The following PFKFB3 variants were observed in gnomAD, a reference collection of about 807,000 sequenced individuals.
PFKFB3 encodes 6-phosphofructo-2-kinase/fructose-2,6-bisphosphatase 3.
A neutral mutation model predicts 68.0 loss-of-function variants in PFKFB3; 33 were observed. That is an observed-to-expected ratio of 0.49 (90% CI 0.37 to 0.65). The LOEUF is 0.65. Among genes scored for constraint, PFKFB3 ranks in the 30% least tolerant of loss-of-function variants. The pLI, the probability that PFKFB3 is intolerant of heterozygous loss-of-function variation, is 0.00. For synonymous variants in PFKFB3, 315 were observed against 288.2 expected (o/e 1.09, Z -0.94); for missense variants, 586 against 712.2 (o/e 0.82, Z 2.02).
the PFKFB3 span, among the ~76,000 whole-genome samples, chr10:6,323,933 G>A: frequency 6.6e-6 from 1 of 152,140 alleles, no homozygotes; most frequent in African/African-American, 2.4e-5. Context: ...TTGAGAGCAG[G>A]GACATGAACA....
downstream of PFKFB3, among the ~76,000 whole-genome samples, chr10:6,257,278 C>A (rs984659262): frequency 6.6e-6 from 1 of 152,128 alleles, no homozygotes; most frequent in African/African-American, 2.4e-5. Flanking sequence ...GGCTGTGTGA[C>A]AACAACCATT....
At chr10:6,290,042 G>T in the PFKFB3 span, among the ~76,000 whole-genome samples, 1 of 151,034 alleles carries the variant, frequency 6.6e-6, no homozygotes, top group Admixed American at 6.6e-5. Flanking sequence ...TGTGATTTTT[G>T]TACATTGATT....
At chr10:6,293,429 C>T in the PFKFB3 span, 1 of 211,742 alleles carries the variant, frequency 4.7e-6, no homozygotes, top group Non-Finnish European at 9.5e-6. Context: ...CACTTCATCC[C>T]CTGCCTCCTG....
At chr10:6,171,426 C>T (rs1330317232) in intron 1 of PFKFB3, among the ~76,000 whole-genome samples, 3 of 148,180 alleles carry the variant, frequency 2.0e-5, no homozygotes, top group Non-Finnish European at 4.5e-5. Flanking sequence ...GAGACTGTCT[C>T]GTTCTGTTGC....
chr10:6,207,430 A>T (rs1441653203), intron 1 of PFKFB3, among the ~76,000 whole-genome samples: 1 of 148,942 alleles, frequency 6.7e-6, no homozygotes, highest in Non-Finnish European at 1.5e-5. Flanking sequence ...GACCGTGGGG[A>T]GAGGGAGAGG....
At chr10:6,230,161 C>T (rs1233475870) in intron 14 of PFKFB3, among the ~76,000 whole-genome samples, 1 of 152,216 alleles carries the variant, frequency 6.6e-6, no homozygotes, top group Admixed American at 6.5e-5. Context: ...TAGAATCCCT[C>T]CTGTTCAGCA....
Position 6,216,189 on chromosome 10 carries a change from G to T in PFKFB3, c.364G>T (p.Ala122Ser). The change falls in exon 4 of 15, where the codon GCG (alanine) becomes TCG (serine). Residue 122 changes from alanine to serine, a missense_variant and splice_region_variant. By Grantham distance (99) the Ala-to-Ser change is moderately conservative. Coordinates refer to ENST00000379775, the MANE Select transcript of PFKFB3 (RefSeq NM_004566.4). ...SYLAKEGGQI[A>S]VFDATNTTRE... is the part of the protein sequence containing the mutation. ...CCTGGCGAAAGAAGGGGGACAAATT[G>T]CGGTAAGTCCAGGCAATGTAGCCGG... 1 of 1,614,076 alleles carries T rather than the reference G, an allele frequency of 6.2e-7. No individual in the cohort carries two copies. The highest frequency in any genetic ancestry group is 8.5e-7 in the Non-Finnish European group (1 of 1,179,914).
chr10:6,283,671 G>A, the PFKFB3 span, among the ~76,000 whole-genome samples: 1 of 152,228 alleles, frequency 6.6e-6, no homozygotes, highest in African/African-American at 2.4e-5. Context: ...TCAGTTTTTA[G>A]TGAACAAAGT....
rs201048797 is a variant in PFKFB3 at position 6,219,574 on chromosome 10, T to A, written c.504T>A (p.Val168=). ...PTVVASNIME[V]KISSPDYKDC... ...ACCCCTTTGTGGTGTTGCAGGAAGTTAAAATCTCCAGCCCGGATTACAAAG... is the reference window on the plus strand; with the variant it reads ...ACCCCTTTGTGGTGTTGCAGGAAGTAAAAATCTCCAGCCCGGATTACAAAG... Residue 168 remains valine, a synonymous_variant, in exon 7 of 15, where the codon GTT becomes GTA. Coordinates refer to ENST00000379775, the MANE Select transcript of PFKFB3 (RefSeq NM_004566.4). 1.9e-6 allele frequency: 3 copies of A among 1,613,898 alleles called. No individual in the cohort carries two copies. The highest frequency in any genetic ancestry group is 2.5e-6 in the Non-Finnish European group (3 of 1,179,958).
intron 1 of PFKFB3, among the ~76,000 whole-genome samples, chr10:6,184,189 G>A (rs586731): frequency 0.98 from 148,188 of 151,944 alleles, 72,359 homozygotes; most frequent in East Asian, 1. Flanking sequence ...AGTAGCTGGG[G>A]TTGTAGGTGC....
intron 1 of PFKFB3, among the ~76,000 whole-genome samples, chr10:6,151,129 CCA>C (rs767599539): frequency 6.6e-6 from 1 of 152,194 alleles, no homozygotes; most frequent in Non-Finnish European, 1.5e-5. Context: ...GGAGGGAGCC[CCA>C]GTCTGTGGAA....
the PFKFB3 span, among the ~76,000 whole-genome samples, chr10:6,298,907 T>G: frequency 6.6e-6 from 1 of 152,218 alleles, no homozygotes; most frequent in Admixed American, 6.5e-5. Flanking sequence ...ATATGACATC[T>G]TATTTTCTCC....
intron 1 of PFKFB3, among the ~76,000 whole-genome samples, chr10:6,169,097 C>T (rs1240309189): frequency 1.3e-5 from 2 of 152,208 alleles, no homozygotes; most frequent in Non-Finnish European, 1.5e-5. Flanking sequence ...TGTGCCACCA[C>T]GCCCGGCAAA....
chr10:6,326,483 C>T, the PFKFB3 span: 22 of 449,984 alleles, frequency 4.9e-5, no homozygotes, highest in Non-Finnish European at 8.5e-5. Flanking sequence ...CTATAATAAA[C>T]ACAAGCACTT....
At chr10:6,288,538 CT>C in the PFKFB3 span, among the ~76,000 whole-genome samples, 3 of 151,792 alleles carry the variant, frequency 2.0e-5, no homozygotes, top group African/African-American at 4.8e-5. Flanking sequence ...TGGACTCATC[CT>C]TTTTTATGGC....
At chr10:6,161,408 A>T (rs895330380) in intron 1 of PFKFB3, among the ~76,000 whole-genome samples, 1 of 152,192 alleles carries the variant, frequency 6.6e-6, no homozygotes, top group African/African-American at 2.4e-5. Context: ...CTAAAAAGTT[A>T]TCTGTGGAGG....
At chr10:6,231,628 C>G in intron 14 of PFKFB3, 1 of 972,442 alleles carries the variant, frequency 1.0e-6, no homozygotes. Flanking sequence ...CCAGCAGATG[C>G]GGAGGGAAAT....
intron 1 of PFKFB3, among the ~76,000 whole-genome samples, chr10:6,177,720 G>A (rs1564600251): frequency 6.6e-6 from 1 of 151,856 alleles, no homozygotes. Context: ...TAGAGACGGG[G>A]TTTCACCATG....
At chr10:6,178,937 C>A (rs1842619460) in intron 1 of PFKFB3, among the ~76,000 whole-genome samples, 1 of 152,244 alleles carries the variant, frequency 6.6e-6, no homozygotes, top group African/African-American at 2.4e-5. Context: ...CAGCCACCAC[C>A]TCCCCAGCAC....
Sources: allele counts gnomAD v4.1 joint callset (sites outside exome capture counted in the v4.1 genomes callset), GRCh38; gene constraint gnomAD v4.1.1; transcripts MANE v1.5; gene names NCBI Gene and HGNC (gene_info 2026-07-23, HGNC 2026-07-21).